The following SPTLC1 variants were observed in gnomAD, a reference collection of about 807,000 sequenced individuals.
SPTLC1 encodes the protein serine palmitoyltransferase long chain base subunit 1.
SPTLC1 carries 55 observed loss-of-function variants against 68.9 expected under a neutral mutation model. The ratio of observed to expected loss-of-function variants is 0.80; its 90% confidence interval spans 0.64 to 1.00. The LOEUF (loss-of-function observed/expected upper bound fraction) is 1.00. SPTLC1 is among the 50% of genes least tolerant of loss of function. The pLI is 0.00. For synonymous variants in SPTLC1, 197 were observed against 201.6 expected, an observed-to-expected ratio of 0.98 and a Z score of 0.19; for missense variants, 449 against 573.1, an observed-to-expected ratio of 0.78 and a Z score of 2.21.
chr9:92,099,402 T>C lies in SPTLC1; in HGVS notation c.260+9338A>G, dbSNP rs191473024. Among the ~76,000 whole-genome samples, 325 of 152,226 alleles carry C rather than the reference T, an allele frequency of 2.1e-3. 1 individual carries two copies. Among genetic ancestry groups the C allele is most frequent in the African/African-American group, 7.3e-3 (305 of 41,550 alleles). On this transcript the variant is annotated intron_variant, in intron 3 of 14. Coordinates refer to ENST00000262554, the MANE Select transcript of SPTLC1 (RefSeq NM_006415.4). ...TTAATGGATATACAGTCGCGTGCCA[T>C]TTAACATCTCAATTGACAAAATGGA...
At chr9:92,082,281 G>T (rs1254891410) in intron 3 of SPTLC1, among the ~76,000 whole-genome samples, 1 of 151,866 alleles carries the variant, frequency 6.6e-6, no homozygotes. Context: ...GGGTACATGT[G>T]CACAATGTGC....
intron 2 of SPTLC1, chr9:92,111,520 G>A (rs1229109803): frequency 6.6e-6 from 1 of 152,118 alleles, no homozygotes; most frequent in Non-Finnish European, 1.5e-5. Flanking sequence ...CCACATAGAA[G>A]TCTCTATTGC....
chr9:92,093,553 A>T (rs1316591700), intron 3 of SPTLC1, among the ~76,000 whole-genome samples: 1 of 152,224 alleles, frequency 6.6e-6, no homozygotes, highest in Non-Finnish European at 1.5e-5. Context: ...CAACGAAATC[A>T]ACAAACCATT....
At chr9:92,043,576 T>C (rs995496210) in intron 12 of SPTLC1, among the ~76,000 whole-genome samples, 1 of 152,174 alleles carries the variant, frequency 6.6e-6, no homozygotes, top group African/African-American at 2.4e-5. Flanking sequence ...CCCTGAGCTC[T>C]ACCTGGAGTC....
intron 12 of SPTLC1, among the ~76,000 whole-genome samples, chr9:92,040,061 T>G (rs112429088): frequency 0.04 from 6,102 of 152,206 alleles, 415 homozygotes; most frequent in African/African-American, 0.14. Flanking sequence ...AGGTCATGTA[T>G]TCTCACAGTA....
chr9:92,045,153 G>A (rs1833465332), intron 12 of SPTLC1, among the ~76,000 whole-genome samples: 1 of 152,116 alleles, frequency 6.6e-6, no homozygotes, highest in Non-Finnish European at 1.5e-5. Flanking sequence ...ATCTGGAACA[G>A]CTGTGATGTA....
chr9:92,060,038 GGC>G (rs1409709502), intron 6 of SPTLC1, among the ~76,000 whole-genome samples: 1 of 152,080 alleles, frequency 6.6e-6, no homozygotes, highest in Non-Finnish European at 1.5e-5. Flanking sequence ...TCTCCTCCTG[GGC>G]AGTGTCACAG....
At chr9:92,059,858 C>T (rs1587930154) in intron 6 of SPTLC1, among the ~76,000 whole-genome samples, 1 of 152,076 alleles carries the variant, frequency 6.6e-6, no homozygotes. Flanking sequence ...TGTAACAAGG[C>T]GACACACCTC....
rs745419629 is a variant in SPTLC1 at position 92,047,651 on chromosome 9, C to T, written c.946G>A (p.Gly316Ser). The change falls in exon 10 of 15, where the codon GGT becomes AGT. Residue 316 changes from glycine to serine, a missense_variant. Around this residue, in one of 3 missense-constraint regions of SPTLC1, gnomAD observed 391 missense variants for 472.1 expected, o/e 0.83. Coordinates refer to ENST00000262554, the MANE Select transcript of SPTLC1 (RefSeq NM_006415.4). ...NMENALASIG[G>S]FCCGRSFVID... ...ACAAAAGACCTGCCACAGCAGAAACCTCCAATAGAAGCAAGTGCATTCTCC... is the reference window on the plus strand; with the variant it reads ...ACAAAAGACCTGCCACAGCAGAAACTTCCAATAGAAGCAAGTGCATTCTCC... 1 of 1,613,812 alleles carries T rather than the reference C, an allele frequency of 6.2e-7. No homozygotes were observed. The highest frequency in any genetic ancestry group is 8.5e-7 in the Non-Finnish European group (1 of 1,179,838).
At chr9:92,099,435 T>C (rs1377490489) in intron 3 of SPTLC1, among the ~76,000 whole-genome samples, 3 of 152,076 alleles carry the variant, frequency 2.0e-5, no homozygotes, top group Admixed American at 6.5e-5. Flanking sequence ...GGACCACATA[T>C]ACAACAGTGG....
At chr9:92,047,771 G>A (rs2118452588) in intron 9 of SPTLC1, 63 bp from the exon 10 acceptor site, 2 of 1,104,242 alleles carry the variant, frequency 1.8e-6, no homozygotes. Context: ...CCAACTTCAA[G>A]CCTAGAGACA....
In SPTLC1 at chr9:92,047,668, G is replaced by C. The variant is rs768841574; in HGVS notation, c.929C>G (p.Ala310Gly). 99 of 1,613,574 alleles carry C rather than the reference G, an allele frequency of 6.1e-5. 1 individual carries two copies. In the Middle Eastern group the frequency reaches 1.3e-3, roughly 21 times the overall value. Residue 310 changes from alanine (A) to glycine (G), a missense_variant, in exon 10 of 15, where the codon GCA (alanine) becomes GGA (glycine). Physicochemically the swap from Ala to Gly is moderately conservative, Grantham distance 60. This residue lies in a region of SPTLC1 where 391 missense variants were observed against 472.1 expected (regional missense o/e 0.83). Transcript: ENST00000262554. ...GCAGAAACCTCCAATAGAAGCAAGTGCATTCTCCATGTTGGCACTGATAAG... is the reference window on the plus strand; with the variant it reads ...GCAGAAACCTCCAATAGAAGCAAGTCCATTCTCCATGTTGGCACTGATAAG... Reference protein sequence around the residue: ...IDLISANMENALASIGGFCCG... With the variant: ...IDLISANMENGLASIGGFCCG...
intron 10 of SPTLC1, 85 bp from the exon 11 acceptor site, chr9:92,047,353 T>C: frequency 9.0e-7 from 1 of 1,116,308 alleles, no homozygotes; most frequent in Non-Finnish European, 1.4e-6. Flanking sequence ...CTAGAACAAC[T>C]ACTGAACAGT....
intron 8 of SPTLC1, among the ~76,000 whole-genome samples, chr9:92,053,169 CA>C (rs1003331903): frequency 2.0e-5 from 3 of 151,722 alleles, no homozygotes; most frequent in African/African-American, 7.3e-5. Flanking sequence ...CATCATTAGC[CA>C]TTTGGGGGAA....
chr9:92,098,850 G>A (rs1215099867), intron 3 of SPTLC1, among the ~76,000 whole-genome samples: 1 of 152,120 alleles, frequency 6.6e-6, no homozygotes, highest in Non-Finnish European at 1.5e-5. Context: ...ACCCTGTGTA[G>A]CAGCTGCATA....
At chr9:92,034,932 G>T in intron 13 of SPTLC1, 49 bp from the exon 14 acceptor site, 1 of 1,486,688 alleles carries the variant, frequency 6.7e-7, no homozygotes, top group Non-Finnish European at 9.4e-7. Flanking sequence ...CAGACATGGT[G>T]GTAATTAAAC....
At chr9:92,114,152 C>T (rs1007122608) in intron 1 of SPTLC1, among the ~76,000 whole-genome samples, 1 of 151,780 alleles carries the variant, frequency 6.6e-6, no homozygotes, top group Non-Finnish European at 1.5e-5. Flanking sequence ...GGTATGTGGT[C>T]CCAGCTACTC....
intron 6 of SPTLC1, among the ~76,000 whole-genome samples, chr9:92,067,133 A>G (rs1834317125): frequency 6.6e-6 from 1 of 152,092 alleles, no homozygotes; most frequent in Non-Finnish European, 1.5e-5. Context: ...CCCTGTCTCT[A>G]CTGAAAATAC....
At chr9:92,039,403 C>G (rs1297264773) in intron 12 of SPTLC1, among the ~76,000 whole-genome samples, 1 of 150,102 alleles carries the variant, frequency 6.7e-6, no homozygotes, top group Non-Finnish European at 1.5e-5. Flanking sequence ...CCATGAGATG[C>G]TATGTCATAC....
Sources: allele counts gnomAD v4.1 joint callset (sites outside exome capture counted in the v4.1 genomes callset), GRCh38; gene constraint gnomAD v4.1.1; regional missense constraint gnomAD v4.1.1; transcripts MANE v1.5; gene names NCBI Gene and HGNC (gene_info 2026-07-23, HGNC 2026-07-21).